LRRIQ1: variants seen among roughly 807,000 people sequenced by gnomAD.
LRRIQ1 encodes leucine-rich repeat- and IQ domain-containing protein 1.
LRRIQ1 carries 210 observed loss-of-function variants against 211.9 expected under a neutral mutation model. The observed-to-expected ratio is 0.99, with a 90% confidence interval of 0.89 to 1.11. The LOEUF is 1.11. Ranked by LOEUF, LRRIQ1 falls within the 50% of genes most tolerant of loss-of-function variation. The pLI is 0.00. For missense variants in LRRIQ1, 2,136 were observed against 1,939.5 expected, an observed-to-expected ratio of 1.10 and a Z score of -1.90; for synonymous variants, 699 against 650.1, an observed-to-expected ratio of 1.08 and a Z score of -1.14.
intron 15 of LRRIQ1, among the ~76,000 whole-genome samples, chr12:85,110,809 T>G (rs1887116643): frequency 6.6e-6 from 1 of 152,096 alleles, no homozygotes; most frequent in African/African-American, 2.4e-5. Context: ...GAAGCTAGTC[T>G]ATTCAGATGT....
chr12:85,108,666 C>T (rs1447141749), intron 15 of LRRIQ1, among the ~76,000 whole-genome samples: 1 of 152,240 alleles, frequency 6.6e-6, no homozygotes, highest in Admixed American at 6.6e-5. Flanking sequence ...CTGGCTTACA[C>T]TTTTGTCTTT....
intron 19 of LRRIQ1, among the ~76,000 whole-genome samples, chr12:85,142,221 A>G (rs1889592260): frequency 6.6e-6 from 1 of 151,344 alleles, no homozygotes; most frequent in Non-Finnish European, 1.5e-5. Context: ...TCCCCCAGGT[A>G]ACTTTTAAGG....
At chr12:85,093,477 G>C (rs2136242065) in intron 11 of LRRIQ1, among the ~76,000 whole-genome samples, 1 of 152,308 alleles carries the variant, frequency 6.6e-6, no homozygotes, top group South Asian at 2.1e-4. Flanking sequence ...GATGGATGCA[G>C]AGCATGCATG....
intron 11 of LRRIQ1, among the ~76,000 whole-genome samples, chr12:85,076,935 A>C (rs748654575): frequency 6.6e-6 from 1 of 152,158 alleles, no homozygotes; most frequent in East Asian, 1.9e-4. Flanking sequence ...CATAGTTTTC[A>C]TCTAACTCAT....
intron 19 of LRRIQ1, among the ~76,000 whole-genome samples, chr12:85,141,131 G>T (rs1191248947): frequency 2.0e-5 from 3 of 151,264 alleles, no homozygotes; most frequent in Admixed American, 6.6e-5. Flanking sequence ...AGGGGAGTTT[G>T]ATATAAGATT....
intron 24 of LRRIQ1, among the ~76,000 whole-genome samples, chr12:85,168,414 C>T (rs1045502209): frequency 3.9e-5 from 6 of 152,280 alleles, no homozygotes; most frequent in African/African-American, 1.4e-4. Context: ...CCTTGTTAGC[C>T]TATTGACTTA....
At chr12:85,222,718 G>A (rs1894458468) in intron 24 of LRRIQ1, among the ~76,000 whole-genome samples, 1 of 152,122 alleles carries the variant, frequency 6.6e-6, no homozygotes, top group South Asian at 2.1e-4. Flanking sequence ...TGAAAATATA[G>A]AAGAAAAGGG....
Position 85,073,077 on chromosome 12 carries a change from A to G in LRRIQ1, c.2866A>G (p.Ile956Val), listed in dbSNP as rs1883268778. ...LTKNSDCNFL[I>V]SHLYWNCGLE... The stretch of plus-strand genomic sequence containing the variant: ...AAAAAATTCAGATTGTAATTTCCTT[A>G]TCTCCCACTTATACTGGAATTGTAA... The change falls in exon 11 of 27, where the codon ATC becomes GTC. Residue 956 changes from isoleucine to valine, a missense_variant. Physicochemically the swap from Ile to Val is conservative, Grantham distance 29. Coordinates refer to ENST00000393217, the MANE Select transcript of LRRIQ1 (RefSeq NM_001079910.2). The G allele has an allele frequency of 1.9e-6, 3 of 1,604,664 alleles. No individual in the cohort carries two copies. The highest frequency in any genetic ancestry group is 2.2e-5 in the South Asian group (2 of 90,336).
intron 24 of LRRIQ1, among the ~76,000 whole-genome samples, chr12:85,213,570 T>C (rs987117679): frequency 1.3e-5 from 2 of 152,018 alleles, no homozygotes; most frequent in African/African-American, 4.8e-5. Flanking sequence ...TTTATCAAAC[T>C]TGAACTTATA....
intron 24 of LRRIQ1, among the ~76,000 whole-genome samples, chr12:85,195,626 C>A (rs1204054437): frequency 7.9e-5 from 12 of 151,474 alleles, no homozygotes; most frequent in African/African-American, 2.4e-4. Context: ...AATTCAACAA[C>A]CCTTCATGCT....
rs1428723836 is a variant in LRRIQ1, at chr12:85,242,440, A to G, written c.5017-2349A>G. On this transcript the variant is annotated intron_variant, in intron 26 of 26. Transcript: ENST00000393217. ...GTAATCTAGAGATTATTTAAAATAGAAGGGAGAATATGCATAGGTTATATG... is the reference window on the plus strand; with the variant it reads ...GTAATCTAGAGATTATTTAAAATAGGAGGGAGAATATGCATAGGTTATATG... 3.9e-5 allele frequency among the ~76,000 whole-genome samples: 6 copies of G among 151,996 alleles called. No individual in the cohort carries two copies. In the East Asian group the frequency reaches 1.2e-3, roughly 29 times the overall value.
intron 1 of LRRIQ1, among the ~76,000 whole-genome samples, chr12:85,252,844 C>T (rs1267592370): frequency 6.6e-6 from 1 of 151,828 alleles, no homozygotes; most frequent in African/African-American, 2.4e-5. Context: ...CAACAAACTC[C>T]TATTGAGCAC....
At chr12:85,114,698 G>A (rs1283821376) in intron 15 of LRRIQ1, among the ~76,000 whole-genome samples, 1 of 151,938 alleles carries the variant, frequency 6.6e-6, no homozygotes, top group East Asian at 1.9e-4. Flanking sequence ...AAAATGATTT[G>A]GCTATAATTT....
intron 24 of LRRIQ1, among the ~76,000 whole-genome samples, chr12:85,165,373 A>G (rs1592911326): frequency 6.6e-6 from 1 of 151,402 alleles, no homozygotes; most frequent in African/African-American, 2.4e-5. Context: ...GCTCCCACTT[A>G]TAAGTGAGAA....
chr12:85,217,602 G>GTA, intron 24 of LRRIQ1, among the ~76,000 whole-genome samples: 1 of 129,284 alleles, frequency 7.7e-6, no homozygotes, highest in Non-Finnish European at 1.6e-5. Context: ...ATGTATATAT[G>GTA]TATATGTGTA....
chr12:85,234,666 C>G (rs1258802822), intron 26 of LRRIQ1, among the ~76,000 whole-genome samples: 1 of 151,808 alleles, frequency 6.6e-6, no homozygotes, highest in Non-Finnish European at 1.5e-5. Context: ...ACAATCGGTA[C>G]AAGGCTATAA....
At chr12:85,144,100 G>T (rs1889727591) in intron 19 of LRRIQ1, among the ~76,000 whole-genome samples, 1 of 151,476 alleles carries the variant, frequency 6.6e-6, no homozygotes, top group Admixed American at 6.6e-5. Context: ...AGTGTCTGTT[G>T]TTCCCTTCTT....
At chr12:85,134,548 C>T (rs948247119) in intron 18 of LRRIQ1, among the ~76,000 whole-genome samples, 1 of 151,908 alleles carries the variant, frequency 6.6e-6, no homozygotes, top group Non-Finnish European at 1.5e-5. Context: ...CTTATTTACC[C>T]TCCTTGATTT....
chr12:85,063,376 G>T (rs1029720703), intron 8 of LRRIQ1, among the ~76,000 whole-genome samples: 1 of 151,520 alleles, frequency 6.6e-6, no homozygotes, highest in Admixed American at 6.6e-5. Flanking sequence ...AAAAGCTAAT[G>T]ATTTTATTTA....
Sources: allele counts gnomAD v4.1 joint callset (sites outside exome capture counted in the v4.1 genomes callset), GRCh38; gene constraint gnomAD v4.1.1; transcripts MANE v1.5; gene names NCBI Gene and HGNC (gene_info 2026-07-23, HGNC 2026-07-21).